HHAT: variants seen among roughly 807,000 people sequenced by gnomAD.
HHAT encodes the protein protein-cysteine N-palmitoyltransferase HHAT.
Under a neutral mutation model 70.8 loss-of-function variants are expected in HHAT, and 47 were observed. The ratio of observed to expected loss-of-function variants is 0.66; its 90% CI spans 0.53 to 0.85. The LOEUF (loss-of-function observed/expected upper bound fraction) is 0.85, where lower values mean the gene tolerates loss of function less well. Ranked by LOEUF, HHAT falls within the 40% of genes least tolerant of loss-of-function variation. The pLI, the probability that HHAT is intolerant of heterozygous loss-of-function variation, is 0.00. For missense variants in HHAT, 609 were observed against 604.8 expected (o/e 1.01, Z -0.07); for synonymous variants, 228 against 247.6 (o/e 0.92, Z 0.74).
intron 4 of HHAT, among the ~76,000 whole-genome samples, chr1:210,397,204 G>GAA (rs2091837141): frequency 6.6e-6 from 1 of 152,114 alleles, no homozygotes; most frequent in South Asian, 2.1e-4. Flanking sequence ...AAAAATCTGA[G>GAA]AAAGAACATT....
At chr1:210,544,513 C>T (rs1326684199) in intron 9 of HHAT, among the ~76,000 whole-genome samples, 4 of 151,820 alleles carry the variant, frequency 2.6e-5, no homozygotes, top group African/African-American at 4.8e-5. Context: ...GCTGGGATTA[C>T]AGGCATGCGC....
chr1:210,355,189 C>A (rs142427311), intron 2 of HHAT, among the ~76,000 whole-genome samples: 77 of 152,236 alleles, frequency 5.1e-4, no homozygotes, highest in Middle Eastern at 6.8e-3. Context: ...TTATTGAATT[C>A]TCTTATGTTC....
At chr1:210,396,755 G>A (rs1272122802) in intron 4 of HHAT, among the ~76,000 whole-genome samples, 3 of 152,188 alleles carry the variant, frequency 2.0e-5, no homozygotes, top group African/African-American at 7.2e-5. Flanking sequence ...ACACTACTCA[G>A]CAATGAAAAG....
chr1:210,632,552 A>G (rs114286036), intron 11 of HHAT, among the ~76,000 whole-genome samples: 3,893 of 152,246 alleles, frequency 0.026, 65 homozygotes, highest in Non-Finnish European at 0.031. Context: ...TGGAGCCGCC[A>G]TTTTGGACAT....
chr1:210,402,867 G>T (rs1467296236), intron 5 of HHAT, among the ~76,000 whole-genome samples: 2 of 152,162 alleles, frequency 1.3e-5, no homozygotes, highest in African/African-American at 4.8e-5. Flanking sequence ...ACACAGTGAT[G>T]GGAAGGAACA....
intron 6 of HHAT, among the ~76,000 whole-genome samples, chr1:210,411,114 A>G (rs570964448): frequency 7.2e-4 from 109 of 152,286 alleles, no homozygotes; most frequent in African/African-American, 2.4e-3. Context: ...ATTCACCTTG[A>G]AACGTGATTG....
At chr1:210,522,577 GTCT>G (rs1353707399) in intron 9 of HHAT, among the ~76,000 whole-genome samples, 1 of 152,140 alleles carries the variant, frequency 6.6e-6, no homozygotes, top group Non-Finnish European at 1.5e-5. Context: ...CACTGGCTTT[GTCT>G]TCTTAACATC....
intron 11 of HHAT, among the ~76,000 whole-genome samples, chr1:210,657,210 C>T (rs1676631821): frequency 6.6e-6 from 1 of 152,202 alleles, no homozygotes; most frequent in Non-Finnish European, 1.5e-5. Flanking sequence ...CACAGCCTGG[C>T]CTGCTCTTAG....
rs550453216 is a variant in HHAT at position 210,472,257 on chromosome 1, A to G, written c.1007+7602A>G. 3.9e-5 allele frequency among the ~76,000 whole-genome samples: 6 copies of G among 152,324 alleles called. No individual in the cohort carries two copies. In the South Asian group the frequency reaches 1.2e-3, roughly 32 times the overall value. ...CTAATTTCTTTTATATATTCAATGT[A>G]TTTAATCTTTACAAAACCCCTGTGA... is the stretch of plus-strand genomic sequence containing the variant. On this transcript the variant is annotated intron_variant, in intron 8 of 11. Transcript: ENST00000261458.
chr1:210,549,653 G>T (rs1206656720), intron 9 of HHAT, among the ~76,000 whole-genome samples: 2 of 148,664 alleles, frequency 1.3e-5, no homozygotes, highest in Admixed American at 6.9e-5. Flanking sequence ...TCTTTGTAAA[G>T]TGAGCAGAAT....
intron 8 of HHAT, among the ~76,000 whole-genome samples, chr1:210,478,508 C>T (rs1048923372): frequency 2.0e-5 from 3 of 152,018 alleles, no homozygotes; most frequent in Non-Finnish European, 2.9e-5. Flanking sequence ...GGTGAGGGGC[C>T]GAATCTCTGG....
At chr1:210,344,092 T>C (rs542045458) in intron 1 of HHAT, among the ~76,000 whole-genome samples, 1 of 152,130 alleles carries the variant, frequency 6.6e-6, no homozygotes, top group Non-Finnish European at 1.5e-5. Flanking sequence ...ACCCCACAGG[T>C]GGGTTTGGTG....
intron 1 of HHAT, among the ~76,000 whole-genome samples, chr1:210,345,852 G>A (rs2086472634): frequency 2.0e-5 from 3 of 152,080 alleles, no homozygotes; most frequent in Admixed American, 1.3e-4. Flanking sequence ...GGGAGGCCAC[G>A]GTGGGCGGAT....
chr1:210,624,050 T>C (rs1669386609), intron 11 of HHAT, among the ~76,000 whole-genome samples: 1 of 152,194 alleles, frequency 6.6e-6, no homozygotes, highest in Non-Finnish European at 1.5e-5. Context: ...ATTGGCATTA[T>C]TAAGAGATGA....
At chr1:210,608,945 C>T (rs546151968) in intron 10 of HHAT, among the ~76,000 whole-genome samples, 9 of 152,192 alleles carry the variant, frequency 5.9e-5, no homozygotes, top group Non-Finnish European at 1.0e-4. Flanking sequence ...GCACCTTCTT[C>T]ACAAGGCTAA....
At position 210,588,019 on chromosome 1, in the gene HHAT, G is replaced by A. The variant is rs765348085; in HGVS notation, c.1165G>A (p.Ala389Thr). 6.2e-7 allele frequency: 1 copy of A among 1,614,068 alleles called. No homozygotes were observed. Among genetic ancestry groups the A allele is most frequent in the Non-Finnish European group, 8.5e-7 (1 of 1,180,012 alleles). ...HGGYDYLWCWAALNWLGVTVE... is the reference protein window; with the variant it reads ...HGGYDYLWCWTALNWLGVTVE... ...CGGCTACGACTACCTCTGGTGCTGG[G>A]CAGCGCTCAACTGGCTGGGAGTCAC... The change falls in exon 10 of 12, where the codon GCA becomes ACA. Residue 389 changes from alanine (A) to threonine (T), a missense_variant. Physicochemically the swap from Ala to Thr is moderately conservative, Grantham distance 58 (BLOSUM62 0). Coordinates refer to ENST00000261458, the MANE Select transcript of HHAT (RefSeq NM_018194.6).
intron 8 of HHAT, among the ~76,000 whole-genome samples, chr1:210,491,836 C>T (rs1572810738): frequency 1.3e-5 from 2 of 152,246 alleles, no homozygotes; most frequent in East Asian, 3.9e-4. Flanking sequence ...GATCTCAGCT[C>T]ACTGCAACCT....
At chr1:210,448,358 A>T (rs879716922) in intron 7 of HHAT, among the ~76,000 whole-genome samples, 1 of 152,204 alleles carries the variant, frequency 6.6e-6, no homozygotes, top group Admixed American at 6.5e-5. Flanking sequence ...TTGGGATTAC[A>T]GACGTGAGCC....
chr1:210,386,230 C>CTTTCTTTTTTTTTTTTTTTTTTTTTT lies in HHAT; in HGVS notation c.160-1235_160-1234insCTTTTTTTTTTTTTTTTTTTTTTTTT, dbSNP rs1324452281. 4.3e-4 allele frequency among the ~76,000 whole-genome samples: 30 copies of CTTTCTTTTTTTTTTTTTTTTTTTTTT among 69,924 alleles called. 7 individuals are homozygous for CTTTCTTTTTTTTTTTTTTTTTTTTTT. Among genetic ancestry groups the CTTTCTTTTTTTTTTTTTTTTTTTTTT allele is most frequent in the Admixed American group, 1.2e-3 (7 of 5,652 alleles). 45.9% of individuals were successfully genotyped at this position (69,924 alleles called of 152,430 possible). A position where few individuals can be genotyped will look rare whatever the true frequency, so the allele number is the denominator to read the frequency against. ...ATTGCAGGAGTCCTTTTCTTTTTTTCTTTTTTTTTTTTTTTTTTTTTTTTT... is the reference window on the plus strand; with the variant it reads ...ATTGCAGGAGTCCTTTTCTTTTTTTCTTTCTTTTTTTTTTTTTTTTTTTTTTTTTTTTTTTTTTTTTTTTTTTTTTT... On this transcript the variant is annotated intron_variant, in intron 3 of 11. Coordinates refer to ENST00000261458, the MANE Select transcript of HHAT (RefSeq NM_018194.6).
Sources: allele counts gnomAD v4.1 joint callset (sites outside exome capture counted in the v4.1 genomes callset), GRCh38; gene constraint gnomAD v4.1.1; transcripts MANE v1.5; gene names NCBI Gene and HGNC (gene_info 2026-07-23, HGNC 2026-07-21).